The following IL17RD variants were observed in gnomAD, a reference collection of about 807,000 sequenced individuals.
IL17RD encodes the protein interleukin 17 receptor D.
In IL17RD, 52 loss-of-function variants were observed where a neutral mutation model predicts 80.5. The ratio of observed to expected loss-of-function variants is 0.65; its 90% CI spans 0.52 to 0.81. The LOEUF is 0.81. Among genes scored for constraint, IL17RD ranks in the 40% least tolerant of loss-of-function variants. The probability of loss-of-function intolerance (pLI) is 0.00; values close to 1 mark genes in which losing one functional copy is unlikely to be tolerated. For synonymous variants in IL17RD, 416 were observed against 391.8 expected (o/e 1.06, Z -0.73); for missense variants, 1,024 against 955.1 (o/e 1.07, Z -0.95).
intron 1 of IL17RD, among the ~76,000 whole-genome samples, chr3:57,154,606 C>T (rs1001652005): frequency 6.6e-6 from 1 of 152,104 alleles, no homozygotes; most frequent in Non-Finnish European, 1.5e-5. Context: ...CTCTCAATGA[C>T]TTCAAAACCC....
intron 1 of IL17RD, among the ~76,000 whole-genome samples, chr3:57,141,967 G>A (rs1010436405): frequency 6.6e-6 from 1 of 152,084 alleles, no homozygotes; most frequent in East Asian, 1.9e-4. Context: ...GCAGAACAGA[G>A]GAACAAGGAC....
chr3:57,099,041 T>C (rs2107465270), intron 11 of IL17RD, among the ~76,000 whole-genome samples: 1 of 152,352 alleles, frequency 6.6e-6, no homozygotes, highest in Non-Finnish European at 1.5e-5. Context: ...GGCTCAGGCC[T>C]GGATGCCAGT....
chr3:57,103,170 A>T (rs1348894807), intron 8 of IL17RD, 25 bp from the exon 9 acceptor site: 3 of 1,539,692 alleles, frequency 1.9e-6, no homozygotes, highest in Non-Finnish European at 2.7e-6. Context: ...ATGCTGCATT[A>T]TTTTTTTTTA....
intron 1 of IL17RD, among the ~76,000 whole-genome samples, chr3:57,156,275 C>CTT (rs202185301): frequency 0.027 from 4,054 of 152,254 alleles, 85 homozygotes; most frequent in South Asian, 0.048. Flanking sequence ...TCCTATTTGT[C>CTT]TCCCCTACTA....
At chr3:57,105,552 A>AAAAAAAAAAAGAT in intron 7 of IL17RD, among the ~76,000 whole-genome samples, 1 of 63,590 alleles carries the variant, frequency 1.6e-5, no homozygotes, top group African/African-American at 9.3e-5. Context: ...AAAAAAAAAA[A>AAAAAAAAAAAGAT]ATATATATAT....
intron 1 of IL17RD, among the ~76,000 whole-genome samples, chr3:57,147,760 T>C (rs1422715174): frequency 1.3e-5 from 2 of 151,136 alleles, no homozygotes; most frequent in Admixed American, 1.3e-4. Context: ...CATGGAAATA[T>C]CTTTGGAAAA....
At chr3:57,148,215 C>T (rs1414372611) in intron 1 of IL17RD, among the ~76,000 whole-genome samples, 1 of 150,866 alleles carries the variant, frequency 6.6e-6, no homozygotes, top group Admixed American at 6.6e-5. Flanking sequence ...ATCTCAGCTA[C>T]TCAGGAGGCT....
intron 4 of IL17RD, among the ~76,000 whole-genome samples, chr3:57,109,881 A>C (rs554933198): frequency 6.6e-6 from 1 of 152,250 alleles, no homozygotes; most frequent in Non-Finnish European, 1.5e-5. Context: ...CAAAGAACCC[A>C]TGGCTTGTTA....
chr3:57,126,303 A>G (rs1707457781), intron 1 of IL17RD, among the ~76,000 whole-genome samples: 1 of 152,208 alleles, frequency 6.6e-6, no homozygotes, highest in Middle Eastern at 3.2e-3. Context: ...CTGCTATGAA[A>G]TTCCTTTGGT....
chr3:57,134,580 A>G (rs1213105661), intron 1 of IL17RD: 4 of 1,251,358 alleles, frequency 3.2e-6, no homozygotes, highest in African/African-American at 1.5e-5. Flanking sequence ...GAAGGCAGAC[A>G]AGGCCCACAA....
Position 57,158,904 on chromosome 3 carries a change from C to T in IL17RD, c.126+6257G>A, listed in dbSNP as rs564130361. ...TTCTTGGTATTATTTAAGCTACAGA[C>T]TTCTTTCTTACTTGGACTTTTCAGC... On this transcript the variant is annotated intron_variant, in intron 1 of 12. Transcript: ENST00000296318. Among the ~76,000 whole-genome samples, 3 of 152,298 alleles carry T rather than the reference C, an allele frequency of 2.0e-5. No individual in the cohort carries two copies. In the South Asian group the frequency reaches 6.2e-4, roughly 32 times the overall value.
intron 1 of IL17RD, among the ~76,000 whole-genome samples, chr3:57,136,941 T>C (rs1707743846): frequency 6.6e-6 from 1 of 152,192 alleles, no homozygotes; most frequent in Admixed American, 6.5e-5. Context: ...GGCTAAGTTA[T>C]GCCACTGAGC....
intron 1 of IL17RD, among the ~76,000 whole-genome samples, chr3:57,132,785 A>T (rs1405070405): frequency 6.6e-6 from 1 of 152,220 alleles, no homozygotes; most frequent in East Asian, 1.9e-4. Context: ...ATCAAGATAA[A>T]AAGTGAACTA....
intron 1 of IL17RD, among the ~76,000 whole-genome samples, chr3:57,157,932 A>G (rs2107544112): frequency 6.6e-6 from 1 of 152,296 alleles, no homozygotes; most frequent in Non-Finnish European, 1.5e-5. Context: ...TGGGGGGAAA[A>G]GATCTACAAA....
rs1706726307 is a variant in IL17RD at position 57,097,981 on chromosome 3, G to C, written c.1722C>G (p.Tyr574Ter). ...FVPFHPPPLR[Y>*]REPVLEKFDS... Reference sequence around the variant, plus strand: ...CAAATTTCTCCAAGACTGGCTCCCGGTAGCGCAGTGGAGGAGGATGGAAGG... The same window carrying C: ...CAAATTTCTCCAAGACTGGCTCCCGCTAGCGCAGTGGAGGAGGATGGAAGG... The change falls in exon 12 of 13, where the codon TAC (tyrosine) becomes TAG (stop). Residue 574 changes from tyrosine (Y) to a stop codon, truncating the protein, a stop_gained. Coordinates refer to ENST00000296318, the MANE Select transcript of IL17RD (RefSeq NM_017563.5). LOFTEE classifies it high-confidence loss of function. The C allele has an allele frequency of 3.7e-6, 6 of 1,614,064 alleles. No homozygotes were observed. The highest frequency in any genetic ancestry group is 5.1e-6 in the Non-Finnish European group (6 of 1,179,898).
At position 57,143,149 on chromosome 3, in the gene IL17RD, TG is replaced by T. The variant is rs1401919613; in HGVS notation, c.126+22011del. Among the ~76,000 whole-genome samples, 3 of 152,346 alleles carry T rather than the reference TG, an allele frequency of 2.0e-5. No homozygotes were observed. In the East Asian group the frequency reaches 5.8e-4, roughly 29 times the overall value. On this transcript the variant is annotated intron_variant, in intron 1 of 12. Coordinates refer to ENST00000296318, the MANE Select transcript of IL17RD (RefSeq NM_017563.5). ...CCCTTTCAAAGTAGAGAGCAGCTGC[TG>T]GTACGGCAGAGGAAAACGGTATGTC...
At chr3:57,107,380 A>G (rs1048383600) in intron 5 of IL17RD, among the ~76,000 whole-genome samples, 10 of 31,846 alleles carry the variant, frequency 3.1e-4, no homozygotes, top group African/African-American at 6.9e-4. Flanking sequence ...CTCCATCTCG[A>G]AAAAAAAAAA....
At chr3:57,111,018 C>T (rs528439327) in intron 3 of IL17RD, among the ~76,000 whole-genome samples, 2 of 152,250 alleles carry the variant, frequency 1.3e-5, no homozygotes, top group Non-Finnish European at 2.9e-5. Context: ...GCACGTCCGA[C>T]TAGATGCTTT....
chr3:57,134,027 T>A (rs1356666662), intron 1 of IL17RD: 3 of 336,888 alleles, frequency 8.9e-6, no homozygotes, highest in African/African-American at 6.3e-5. Context: ...CAGAAAAGAT[T>A]AAAAGCAGTG....
Sources: gnomAD v4.1 joint callset for allele counts (sites outside exome capture counted in the v4.1 genomes callset) on GRCh38, gnomAD v4.1.1 for gene constraint, MANE v1.5 for transcripts, NCBI Gene and HGNC (gene_info 2026-07-23, HGNC 2026-07-21) for gene names.